WDR47: variants seen among roughly 807,000 people sequenced by gnomAD.
WDR47 encodes the protein WD repeat-containing protein 47.
A neutral mutation model predicts 97.2 loss-of-function variants in WDR47; 32 were observed. The ratio of observed to expected loss-of-function variants is 0.33; its 90% CI spans 0.25 to 0.44. The LOEUF (loss-of-function observed/expected upper bound fraction) is 0.44, where lower values mean the gene tolerates loss of function less well. Among genes scored for constraint, WDR47 ranks in the 20% least tolerant of loss-of-function variants. The pLI is 1.00. For missense variants in WDR47, 782 were observed against 1,102.3 expected (o/e 0.71, Z 4.11); for synonymous variants, 375 against 373.5 (o/e 1.00, Z -0.05).
At chr1:109,020,912 G>A (rs1411550334) in intron 2 of WDR47, among the ~76,000 whole-genome samples, 1 of 142,354 alleles carries the variant, frequency 7.0e-6, no homozygotes, top group South Asian at 2.2e-4. Context: ...CTGAGATGGA[G>A]TTTCCTTCTT....
Position 109,011,253 on chromosome 1 carries a change from G to A in WDR47, c.793C>T (p.Leu265Phe), listed in dbSNP as rs1213204221. The change falls in exon 5 of 15, where the codon CTT (leucine) becomes TTT (phenylalanine). Residue 265 changes from leucine to phenylalanine, a missense_variant. Around this residue, in one of 3 missense-constraint regions of WDR47, gnomAD observed 428 missense variants for 584.3 expected, o/e 0.73. Coordinates refer to ENST00000369962, the MANE Select transcript of WDR47 (RefSeq NM_001142551.2). ...VFSCAFEQKM[L>F]NIHVDKLLKP... ...AGAAGTTTGTCAACATGAATATTAA[G>A]CATTTTCTGTTCAAAAGCACAAGAG... The A allele has an allele frequency of 1.9e-6, 3 of 1,614,106 alleles. No individual in the cohort carries two copies. The highest frequency in any genetic ancestry group is 2.5e-6 in the Non-Finnish European group (3 of 1,180,022).
chr1:108,998,145 C>A (rs1216604123), intron 7 of WDR47, among the ~76,000 whole-genome samples: 2 of 151,628 alleles, frequency 1.3e-5, no homozygotes, highest in African/African-American at 4.8e-5. Context: ...TTTTATACTC[C>A]CCATAAAAAG....
In WDR47 at chr1:109,013,844, C is replaced by T; in HGVS notation, c.324G>A (p.Gln108=). ...CCTTCAGGAATAAAAATCTTACATG[C>T]TGGGGCTCATCTTCTGCTGACATCG... ...NNAMSAEDEP[Q]HLEFTMQEAV... The change falls in exon 4 of 15, where the codon CAG becomes CAA. Residue 108 remains glutamine (Q), a synonymous_variant. Coordinates refer to ENST00000369962, the MANE Select transcript of WDR47 (RefSeq NM_001142551.2). 6.2e-7 allele frequency: 1 copy of T among 1,613,508 alleles called. No individual in the cohort carries two copies. The highest frequency in any genetic ancestry group is 1.1e-5 in the South Asian group (1 of 90,980).
At chr1:109,017,649 T>C in intron 2 of WDR47, 48 bp from the exon 3 acceptor site, 2 of 1,481,762 alleles carry the variant, frequency 1.3e-6, no homozygotes, top group Non-Finnish European at 1.9e-6. Flanking sequence ...ATTCAGGTTA[T>C]ACTAATTAAA....
chr1:109,041,281 G>A (rs894845183), intron 1 of WDR47, among the ~76,000 whole-genome samples: 1 of 152,080 alleles, frequency 6.6e-6, no homozygotes, highest in African/African-American at 2.4e-5. Flanking sequence ...GTTCTAAATC[G>A]AGTCGCTGCC....
At chr1:108,985,417 G>A (rs1658711948) in intron 10 of WDR47, among the ~76,000 whole-genome samples, 1 of 152,136 alleles carries the variant, frequency 6.6e-6, no homozygotes, top group South Asian at 2.1e-4. Flanking sequence ...CCTCAAAGAA[G>A]TCTTTCTCTG....
chr1:109,022,369 T>C (rs547490203), intron 2 of WDR47, among the ~76,000 whole-genome samples: 2 of 152,294 alleles, frequency 1.3e-5, no homozygotes, highest in African/African-American at 4.8e-5. Context: ...TCTTTCTATA[T>C]TTTCTATAAT....
In WDR47 at chr1:109,024,336, C is replaced by T. The variant is rs188728051; in HGVS notation, c.-9-815G>A. 1.4e-3 allele frequency among the ~76,000 whole-genome samples: 209 copies of T among 152,204 alleles called. 1 individual carries two copies. The highest frequency in any genetic ancestry group is 5.0e-3 in the African/African-American group (207 of 41,532). ...GGGCAAGATGGTGTGTGTCTATAGT[C>T]CCAGCACTCTGGAGGCTGAGGTGGG... On this transcript the variant is annotated intron_variant, in intron 1 of 14. Transcript: ENST00000369962.
intron 9 of WDR47, among the ~76,000 whole-genome samples, chr1:108,990,289 A>C (rs1479654661): frequency 6.6e-6 from 1 of 151,808 alleles, no homozygotes; most frequent in Non-Finnish European, 1.5e-5. Flanking sequence ...GCTCACTGCA[A>C]CCTCTGCCTC....
At chr1:108,999,183 C>T (rs1415455517) in intron 7 of WDR47, among the ~76,000 whole-genome samples, 3 of 150,556 alleles carry the variant, frequency 2.0e-5, no homozygotes, top group Non-Finnish European at 4.4e-5. Flanking sequence ...GCTGAGATCG[C>T]GCCACTGCAC....
At chr1:108,998,727 ACTTCT>A (rs1180782532) in intron 7 of WDR47, among the ~76,000 whole-genome samples, 1 of 152,154 alleles carries the variant, frequency 6.6e-6, no homozygotes, top group Non-Finnish European at 1.5e-5. Context: ...AACACACCTT[ACTTCT>A]CTTCTGTCTA....
chr1:108,982,264 G>A (rs908099684), intron 12 of WDR47, among the ~76,000 whole-genome samples: 3 of 152,144 alleles, frequency 2.0e-5, no homozygotes, highest in Admixed American at 2.0e-4. Flanking sequence ...CAGGCATGGT[G>A]GCTCATGCCT....
chr1:109,008,426 A>T (rs1168976561), intron 5 of WDR47, among the ~76,000 whole-genome samples: 1 of 151,366 alleles, frequency 6.6e-6, no homozygotes, highest in Non-Finnish European at 1.5e-5. Context: ...TGCACCAGCT[A>T]ATTTTTTTGT....
At position 109,029,956 on chromosome 1, in the gene WDR47, T is replaced by G. The variant is rs577967402; in HGVS notation, c.-9-6435A>C. The G allele has an allele frequency of 3.9e-5, 15 of 385,382 alleles. No homozygotes were observed. In the Admixed American group the frequency reaches 5.8e-4, roughly 15 times the overall value. 23.9% of individuals were successfully genotyped at this position (385,382 alleles called of 1,614,324 possible). ...CTCTGTGTATTTCCATACAAAGATA[T>G]GGAAAAACTTCATGAAAAAATATCA... On this transcript the variant is annotated intron_variant, in intron 1 of 14. Coordinates refer to ENST00000369962, the MANE Select transcript of WDR47 (RefSeq NM_001142551.2).
chr1:108,981,624 GTATT>G (rs1346067660), intron 13 of WDR47, 105 bp downstream of exon 13: 3 of 1,039,760 alleles, frequency 2.9e-6, no homozygotes, highest in Non-Finnish European at 4.0e-6. Context: ...AAAATATCAA[GTATT>G]TATTTCACAA....
chr1:108,980,984 T>C (rs1371564219), intron 13 of WDR47, among the ~76,000 whole-genome samples: 2 of 151,204 alleles, frequency 1.3e-5, no homozygotes, highest in African/African-American at 4.9e-5. Context: ...AAAAATTAGC[T>C]GGGCATGGTG....
intron 8 of WDR47, among the ~76,000 whole-genome samples, chr1:108,993,707 C>T (rs1659540926): frequency 6.6e-6 from 1 of 152,144 alleles, no homozygotes. Context: ...CCTGGAGGGA[C>T]ATCTCCCAAG....
intron 1 of WDR47, chr1:109,030,290 G>C (rs916853958): frequency 1.6e-5 from 23 of 1,434,502 alleles, no homozygotes; most frequent in African/African-American, 2.8e-5. Flanking sequence ...GCTTACAGAA[G>C]GATGTTCCTT....
chr1:108,973,370 A>G (rs1657629959), intron 14 of WDR47, among the ~76,000 whole-genome samples: 1 of 152,236 alleles, frequency 6.6e-6, no homozygotes, highest in Admixed American at 6.5e-5. Context: ...ACCTAAAATT[A>G]CATTGTTTAT....
Sources: gnomAD v4.1 joint callset for allele counts (sites outside exome capture counted in the v4.1 genomes callset) on GRCh38, gnomAD v4.1.1 for gene constraint, gnomAD v4.1.1 regional missense constraint, MANE v1.5 for transcripts, NCBI Gene and HGNC (gene_info 2026-07-23, HGNC 2026-07-21) for gene names.